EYS: variants seen among roughly 807,000 people sequenced by gnomAD.
EYS encodes the protein EGF-like photoreceptor maintenance factor, also known as protein eyes shut homolog.
EYS carries 250 observed loss-of-function variants against 282.1 expected under a neutral mutation model. The observed-to-expected ratio is 0.89, with a 90% CI of 0.80 to 0.98. EYS has a LOEUF of 0.98. Among genes scored for constraint, EYS ranks in the 50% least tolerant of loss-of-function variants. The pLI, the probability that EYS is intolerant of heterozygous loss-of-function variation, is 0.00. For synonymous variants in EYS, 1,355 were observed against 1,282.9 expected (o/e 1.06, Z -1.20); for missense variants, 4,016 against 3,709.0 (o/e 1.08, Z -2.15).
chr6:65,496,541 T>C (rs888457921), intron 2 of EYS, among the ~76,000 whole-genome samples: 8 of 152,080 alleles, frequency 5.3e-5, no homozygotes, highest in Non-Finnish European at 1.0e-4. Context: ...ATCTCAGTTA[T>C]GTTATTCATT....
At chr6:64,129,593 T>A (rs1773899520) in intron 31 of EYS, among the ~76,000 whole-genome samples, 1 of 152,216 alleles carries the variant, frequency 6.6e-6, no homozygotes, top group African/African-American at 2.4e-5. Flanking sequence ...CTGTTCACTC[T>A]GATGGTAGTT....
intron 29 of EYS, among the ~76,000 whole-genome samples, chr6:64,369,147 A>G (rs1221992821): frequency 2.6e-5 from 4 of 152,094 alleles, no homozygotes; most frequent in Non-Finnish European, 5.9e-5. Context: ...TTTGTCAAAT[A>G]GTTATTCCAG....
At chr6:64,059,904 A>C (rs1162652409) in intron 33 of EYS, among the ~76,000 whole-genome samples, 2 of 152,182 alleles carry the variant, frequency 1.3e-5, no homozygotes, top group Admixed American at 1.3e-4. Context: ...TATTTCTCAT[A>C]TTGAGCTTGA....
intron 2 of EYS, among the ~76,000 whole-genome samples, chr6:65,575,271 G>A (rs1764621256): frequency 6.6e-6 from 1 of 151,740 alleles, no homozygotes; most frequent in Non-Finnish European, 1.5e-5. Context: ...AAGGTGCAGT[G>A]AGCTGAGATC....
intron 33 of EYS, among the ~76,000 whole-genome samples, chr6:64,009,406 C>T (rs2149810248): frequency 6.6e-6 from 1 of 151,688 alleles, no homozygotes; most frequent in South Asian, 2.1e-4. Flanking sequence ...GCCTCAGCCT[C>T]CCGAGTAGTT....
chr6:64,286,983 G>T (rs2224006), intron 30 of EYS, among the ~76,000 whole-genome samples: 1 of 151,814 alleles, frequency 6.6e-6, no homozygotes, highest in Non-Finnish European at 1.5e-5. Context: ...TTTCAGTACC[G>T]AATCTAGAAA....
chr6:65,686,990 A>T (rs1177434506), intron 1 of EYS, among the ~76,000 whole-genome samples: 1 of 152,032 alleles, frequency 6.6e-6, no homozygotes, highest in Non-Finnish European at 1.5e-5. Context: ...TTTAATTTAA[A>T]GTATTAGAAG....
intron 33 of EYS, among the ~76,000 whole-genome samples, chr6:64,043,115 G>A (rs973067976): frequency 2.0e-5 from 3 of 152,018 alleles, no homozygotes; most frequent in Non-Finnish European, 4.4e-5. Flanking sequence ...TTTAAGTTGG[G>A]TCCCATAAAA....
intron 35 of EYS, among the ~76,000 whole-genome samples, chr6:63,966,216 G>T (rs989973072): frequency 3.9e-5 from 6 of 152,120 alleles, no homozygotes; most frequent in African/African-American, 1.4e-4. Flanking sequence ...CATTTGCAGC[G>T]ACCTGGATGA....
chr6:64,107,427 G>A (rs1218747715), intron 31 of EYS, among the ~76,000 whole-genome samples: 2 of 151,260 alleles, frequency 1.3e-5, no homozygotes, highest in African/African-American at 4.9e-5. Flanking sequence ...AGAACCTGGA[G>A]TCTGATGTTT....
rs200980350 is a variant in EYS, at chr6:63,729,522, C to CT, written c.8072-2843dup. Among the ~76,000 whole-genome samples, 280 of 142,032 alleles carry CT rather than the reference C, an allele frequency of 2.0e-3. 1 individual carries two copies. The East Asian group carries it at 0.022, about 11-fold the overall frequency. The allele number at this position is 142,032 out of a possible 152,430, so 93.2% of individuals were successfully genotyped here. A position where few individuals can be genotyped will look rare whatever the true frequency, so the allele number is the denominator to read the frequency against. On this transcript the variant is annotated intron_variant, in intron 41 of 42. Coordinates refer to ENST00000503581, the MANE Select transcript of EYS (RefSeq NM_001142800.2). ...AAGATGTCATGTCTGTGTCTAGATT[C>CT]TTTTTTTTTTTTCTTTTTGCATGTG...
At chr6:64,482,673 A>G (rs559559333) in intron 26 of EYS, among the ~76,000 whole-genome samples, 51 of 151,820 alleles carry the variant, frequency 3.4e-4, no homozygotes, top group African/African-American at 1.2e-3. Context: ...TATTGTTATC[A>G]TTGTCTTATT....
intron 35 of EYS, among the ~76,000 whole-genome samples, chr6:63,869,978 A>C (rs1368579653): frequency 6.6e-6 from 1 of 152,156 alleles, no homozygotes. Flanking sequence ...TTTCATAATA[A>C]ATTTTTCTCA....
intron 26 of EYS, among the ~76,000 whole-genome samples, chr6:64,542,700 T>C (rs990002442): frequency 9.2e-5 from 14 of 152,092 alleles, no homozygotes; most frequent in African/African-American, 3.1e-4. Context: ...AATTAATAAT[T>C]AATTGTCTGA....
rs189465970 is a variant in EYS at position 64,647,889 on chromosome 6, C to G, written c.3444-21644G>C. 2.5e-3 allele frequency among the ~76,000 whole-genome samples: 382 copies of G among 151,160 alleles called. 2 individuals are homozygous for G. Among genetic ancestry groups the G allele is most frequent in the South Asian group, 0.015 (71 of 4,740 alleles). On this transcript the variant is annotated intron_variant, in intron 22 of 42. Coordinates refer to ENST00000503581, the MANE Select transcript of EYS (RefSeq NM_001142800.2). ...TAAGGGTTTATAGAATGCATGAGTGCCTTCATGAATAAATAAATGGTTTTA... is the reference window on the plus strand; with the variant it reads ...TAAGGGTTTATAGAATGCATGAGTGGCTTCATGAATAAATAAATGGTTTTA...
intron 31 of EYS, among the ~76,000 whole-genome samples, chr6:64,225,348 T>C (rs1256434181): frequency 6.6e-6 from 1 of 151,902 alleles, no homozygotes; most frequent in East Asian, 1.9e-4. Context: ...CTATTCCCCT[T>C]TACATGACAA....
At chr6:64,528,908 GAT>G (rs1213906739) in intron 26 of EYS, among the ~76,000 whole-genome samples, 1 of 151,938 alleles carries the variant, frequency 6.6e-6, no homozygotes, top group Non-Finnish European at 1.5e-5. Flanking sequence ...TCATCAAAAA[GAT>G]ATGGAAATTT....
chr6:64,593,202 G>C lies in EYS; in HGVS notation c.3792C>G (p.Pro1264=), dbSNP rs551318605. The C allele has an allele frequency of 1.3e-6, 2 of 1,550,016 alleles. No homozygotes were observed. Among genetic ancestry groups the C allele is most frequent in the Non-Finnish European group, 1.7e-6 (2 of 1,146,164 alleles). ...AGCTGCTGACCAAAGTCTCAGAAGG[G>C]GGAATTGTATATGTCTGTGTGGAAA... The part of the protein sequence containing the change: ...DPISTQTYTI[P]PSETLVSSFP... Residue 1264 remains proline (P), a synonymous_variant, in exon 25 of 43, where the codon CCC becomes CCG. Transcript: ENST00000503581.
chr6:64,011,030 TC>T (rs1768595068), intron 33 of EYS, among the ~76,000 whole-genome samples: 1 of 152,084 alleles, frequency 6.6e-6, no homozygotes, highest in Admixed American at 6.5e-5. Context: ...CTATATCAGA[TC>T]TTTCACAAAT....
Sources: allele counts gnomAD v4.1 joint callset (sites outside exome capture counted in the v4.1 genomes callset), GRCh38; gene constraint gnomAD v4.1.1; transcripts MANE v1.5; gene names NCBI Gene and HGNC (gene_info 2026-07-23, HGNC 2026-07-21).